The following RAB10 variants were observed in gnomAD, a reference collection of about 807,000 sequenced individuals.
RAB10 encodes the protein RAB10, member RAS oncogene family, also known as ras-related protein Rab-10.
A neutral mutation model predicts 25.7 loss-of-function variants in RAB10; 5 were observed. The ratio of observed to expected loss-of-function variants is 0.19; its 90% CI spans 0.10 to 0.41. The LOEUF is 0.41. Ranked by LOEUF, RAB10 falls within the 10% of genes least tolerant of loss-of-function variation. The probability of loss-of-function intolerance (pLI) is 1.00; values close to 1 mark genes in which losing one functional copy is unlikely to be tolerated. For missense variants in RAB10, 103 were observed against 245.8 expected (o/e 0.42, Z 3.89); for synonymous variants, 89 against 86.4 (o/e 1.03, Z -0.16).
chr2:26,073,975 A>G (rs1466457165), intron 1 of RAB10, among the ~76,000 whole-genome samples: 1 of 152,216 alleles, frequency 6.6e-6, no homozygotes, highest in African/African-American at 2.4e-5. Flanking sequence ...ATCAGGTTGA[A>G]TATGTAGACC....
At chr2:26,074,576 G>A (rs547241323) in intron 1 of RAB10, among the ~76,000 whole-genome samples, 1 of 152,054 alleles carries the variant, frequency 6.6e-6, no homozygotes, top group Non-Finnish European at 1.5e-5. Context: ...CTGCCACCAC[G>A]CCCAGCTAAT....
intron 1 of RAB10, among the ~76,000 whole-genome samples, chr2:26,069,275 C>T (rs1285207096): frequency 6.6e-6 from 1 of 152,084 alleles, no homozygotes; most frequent in Admixed American, 6.5e-5. Context: ...GAGATAACCC[C>T]AACAGTTTTA....
At chr2:26,088,473 G>A (rs184082884) in intron 1 of RAB10, among the ~76,000 whole-genome samples, 5 of 152,292 alleles carry the variant, frequency 3.3e-5, no homozygotes, top group Admixed American at 3.3e-4. Context: ...AATGTTGCAG[G>A]AGAGTCTGAT....
At chr2:26,077,774 CAG>C (rs1351342783) in intron 1 of RAB10, among the ~76,000 whole-genome samples, 3 of 152,116 alleles carry the variant, frequency 2.0e-5, no homozygotes, top group African/African-American at 7.2e-5. Context: ...GGTCAGGAGA[CAG>C]AGACTATTCT....
intron 1 of RAB10, among the ~76,000 whole-genome samples, chr2:26,087,868 A>T (rs754510008): frequency 3.9e-5 from 6 of 152,202 alleles, no homozygotes; most frequent in Non-Finnish European, 5.9e-5. Flanking sequence ...ACACAAAAGG[A>T]TCTTTAGAGG....
chr2:26,134,832 G>C, intron 5 of RAB10, 106 bp from the exon 6 acceptor site: 2 of 809,058 alleles, frequency 2.5e-6, no homozygotes, highest in Non-Finnish European at 3.8e-6. Flanking sequence ...TGTGATTGTA[G>C]TTGTATTTTG....
chr2:26,059,318 A>G (rs1196807929), intron 1 of RAB10, among the ~76,000 whole-genome samples: 2 of 152,208 alleles, frequency 1.3e-5, no homozygotes, highest in African/African-American at 4.8e-5. Flanking sequence ...TATGTGCTAG[A>G]TATTGGGGAT....
rs116635162 is a variant in RAB10 at position 26,123,192 on chromosome 2, T to G, written c.328-3952T>G. On this transcript the variant is annotated intron_variant, in intron 3 of 5. Transcript: ENST00000264710. ...CTGAAATCAGGAAATACCTTGCCAT[T>G]ATGGGACAGCCCTTTAAAGTTCTTT... 1.3e-3 allele frequency among the ~76,000 whole-genome samples: 205 copies of G among 152,266 alleles called. 1 individual carries two copies. The highest frequency in any genetic ancestry group is 4.6e-3 in the African/African-American group (193 of 41,556).
intron 3 of RAB10, among the ~76,000 whole-genome samples, chr2:26,117,628 A>AC (rs1553729854): frequency 0.016 from 2,414 of 146,674 alleles, 107 homozygotes; most frequent in South Asian, 0.043. Context: ...TCAAAAAAAA[A>AC]AAAAAAACAA....
intron 1 of RAB10, among the ~76,000 whole-genome samples, chr2:26,037,724 C>G (rs1665794181): frequency 6.6e-6 from 1 of 151,928 alleles, no homozygotes; most frequent in African/African-American, 2.4e-5. Context: ...TAAAGCACTT[C>G]ACATGGTGCC....
intron 1 of RAB10, among the ~76,000 whole-genome samples, chr2:26,041,703 G>A (rs1237218214): frequency 1.3e-5 from 2 of 152,068 alleles, no homozygotes; most frequent in East Asian, 3.9e-4. Context: ...GTCAGAGTTC[G>A]AGACCAGCCT....
chr2:26,066,805 C>G (rs1350285191), intron 1 of RAB10, among the ~76,000 whole-genome samples: 1 of 117,470 alleles, frequency 8.5e-6, no homozygotes, highest in Non-Finnish European at 1.6e-5. Context: ...TTTTTTGATA[C>G]GGAGTCTCAC....
chr2:26,059,750 G>C (rs1040359674), intron 1 of RAB10, among the ~76,000 whole-genome samples: 4 of 152,156 alleles, frequency 2.6e-5, no homozygotes, highest in Non-Finnish European at 2.9e-5. Flanking sequence ...GTTATCAGGA[G>C]CTGGGGGAGG....
At chr2:26,114,305 A>G (rs1667638862) in intron 3 of RAB10, among the ~76,000 whole-genome samples, 1 of 152,100 alleles carries the variant, frequency 6.6e-6, no homozygotes, top group African/African-American at 2.4e-5. Context: ...AAGGAAGTAC[A>G]CAGTTGTAAG....
rs1017520697 is a variant in RAB10 at position 26,063,013 on chromosome 2, G to T, written c.127+28278G>T. On this transcript the variant is annotated intron_variant, in intron 1 of 5. Transcript: ENST00000264710. ...GCCTATAATCCCGGCTGCTCGGGAG[G>T]CTGAGGCAGGAGGATGGCTTGAATG... 3.3e-5 allele frequency among the ~76,000 whole-genome samples: 5 copies of T among 152,104 alleles called. No homozygotes were observed. The East Asian group carries it at 9.7e-4, about 29-fold the overall frequency.
intron 1 of RAB10, among the ~76,000 whole-genome samples, chr2:26,054,302 T>C (rs947398993): frequency 2.0e-5 from 3 of 151,284 alleles, no homozygotes; most frequent in Non-Finnish European, 2.9e-5. Flanking sequence ...GATCTGCCCG[T>C]CTTGGCCTCC....
At chr2:26,102,375 C>G (rs1667359810) in intron 2 of RAB10, among the ~76,000 whole-genome samples, 1 of 145,988 alleles carries the variant, frequency 6.8e-6, no homozygotes, top group African/African-American at 2.5e-5. Flanking sequence ...CAGGGCAGAT[C>G]TATATATTTT....
chr2:26,061,702 G>A (rs1454130147), intron 1 of RAB10, among the ~76,000 whole-genome samples: 2 of 151,614 alleles, frequency 1.3e-5, no homozygotes, highest in African/African-American at 2.4e-5. Flanking sequence ...TATTTTTCTC[G>A]CTTAACAGTA....
chr2:26,054,084 G>A (rs1340047388), intron 1 of RAB10, among the ~76,000 whole-genome samples: 1 of 120,098 alleles, frequency 8.3e-6, no homozygotes, highest in Non-Finnish European at 1.6e-5. Flanking sequence ...GTCTTGCTCT[G>A]TCGCCCAGGG....
Sources: gnomAD v4.1 joint callset for allele counts (sites outside exome capture counted in the v4.1 genomes callset) on GRCh38, gnomAD v4.1.1 for gene constraint, MANE v1.5 for transcripts, NCBI Gene and HGNC (gene_info 2026-07-23, HGNC 2026-07-21) for gene names.